GALNT14: variants seen among roughly 807,000 people sequenced by gnomAD.
GALNT14 encodes the protein polypeptide N-acetylgalactosaminyltransferase 14.
In GALNT14, 60 loss-of-function variants were observed where a neutral mutation model predicts 77.5. The observed-to-expected ratio is 0.77, with a 90% CI of 0.63 to 0.96. GALNT14 has a LOEUF of 0.96. Ranked by LOEUF, GALNT14 falls within the 40% of genes least tolerant of loss-of-function variation. The pLI is 0.00. For missense variants in GALNT14, 710 were observed against 731.0 expected, an observed-to-expected ratio of 0.97 and a Z score of 0.33; for synonymous variants, 280 against 281.7, an observed-to-expected ratio of 0.99 and a Z score of 0.06.
intron 1 of GALNT14, chr2:31,129,405 AT>A (rs1331115841): frequency 1.0e-6 from 1 of 985,354 alleles, no homozygotes; most frequent in African/African-American, 1.7e-5. Context: ...TCACCCTTTA[AT>A]TAGTAAAGTC....
the GALNT14 span, among the ~76,000 whole-genome samples, chr2:30,900,455 C>T: frequency 4.6e-5 from 7 of 152,108 alleles, no homozygotes; most frequent in South Asian, 8.3e-4. Context: ...AAAACTTTAA[C>T]GTTTGATAAC....
intron 1 of GALNT14, among the ~76,000 whole-genome samples, chr2:31,122,260 T>C (rs1042823804): frequency 6.6e-6 from 1 of 152,208 alleles, no homozygotes; most frequent in African/African-American, 2.4e-5. Context: ...CAGTCAATGA[T>C]GAAACAGCCG....
At chr2:31,058,262 C>A (rs1021152890) in intron 1 of GALNT14, among the ~76,000 whole-genome samples, 1 of 152,176 alleles carries the variant, frequency 6.6e-6, no homozygotes, top group South Asian at 2.1e-4. Flanking sequence ...GAGCCTCAGC[C>A]CCTGACCCGT....
intron 1 of GALNT14, among the ~76,000 whole-genome samples, chr2:31,020,426 G>C (rs984432914): frequency 1.3e-5 from 2 of 152,154 alleles, no homozygotes; most frequent in African/African-American, 4.8e-5. Context: ...GCAGTCCCTG[G>C]TCCCCCTCAG....
chr2:30,927,749 A>ACTAGGG (rs2148241007), intron 11 of GALNT14, among the ~76,000 whole-genome samples: 1 of 152,282 alleles, frequency 6.6e-6, no homozygotes, highest in East Asian at 1.9e-4. Context: ...GGCTGGGAAG[A>ACTAGGG]GTGGAGGTTT....
intron 2 of GALNT14, among the ~76,000 whole-genome samples, chr2:30,981,866 A>G (rs1296897805): frequency 1.3e-5 from 2 of 152,192 alleles, no homozygotes; most frequent in Non-Finnish European, 2.9e-5. Flanking sequence ...AGCTGAAGGC[A>G]TTGTTGGGCA....
In GALNT14 at chr2:30,932,210, G is replaced by A. The variant is rs930148073; in HGVS notation, c.932-16C>T. Reference sequence around the variant, plus strand: ...AAGGAGATTTCTGCAAGACAGTCACGCCCCTCCTATGACCTCTTATCACTG... The same window carrying A: ...AAGGAGATTTCTGCAAGACAGTCACACCCCTCCTATGACCTCTTATCACTG... On this transcript the variant is annotated splice_polypyrimidine_tract_variant and intron_variant, in intron 9 of 14. Coordinates refer to ENST00000349752, the MANE Select transcript of GALNT14 (RefSeq NM_024572.4). 8.2e-5 allele frequency: 120 copies of A among 1,469,966 alleles called. No homozygotes were observed. The highest frequency in any genetic ancestry group is 1.1e-4 in the Non-Finnish European group (118 of 1,105,980). 91.1% of individuals were successfully genotyped at this position (1,469,966 alleles called of 1,614,324 possible). A position where few individuals can be genotyped will look rare whatever the true frequency, so the allele number is the denominator to read the frequency against.
rs182172900 is a variant in GALNT14, at chr2:31,137,158, T to A, written c.129+800A>T. ...ATTATTATGCCTTTTCTCCTATTGATCTGCCTTTTGTCAACTGATTTTCAG... is the reference window on the plus strand; with the variant it reads ...ATTATTATGCCTTTTCTCCTATTGAACTGCCTTTTGTCAACTGATTTTCAG... On this transcript the variant is annotated intron_variant, in intron 1 of 14. Transcript: ENST00000349752. Among the ~76,000 whole-genome samples the A allele has an allele frequency of 3.1e-3, 466 of 152,350 alleles. 4 individuals are homozygous for A. The highest frequency in any genetic ancestry group is 0.011 in the African/African-American group (441 of 41,582).
intron 9 of GALNT14, among the ~76,000 whole-genome samples, chr2:30,940,473 A>T (rs2148276260): frequency 6.6e-6 from 1 of 152,364 alleles, no homozygotes; most frequent in South Asian, 2.1e-4. Context: ...GAATTCTCTA[A>T]TAGTTCAACA....
chr2:30,974,898 G>T (rs1256826164), intron 2 of GALNT14, among the ~76,000 whole-genome samples: 3 of 152,246 alleles, frequency 2.0e-5, no homozygotes, highest in Non-Finnish European at 4.4e-5. Flanking sequence ...GGAGGGATAA[G>T]TGAAGGTGGG....
intron 10 of GALNT14, among the ~76,000 whole-genome samples, chr2:30,930,552 G>A (rs1202438730): frequency 6.6e-6 from 1 of 152,134 alleles, no homozygotes; most frequent in Non-Finnish European, 1.5e-5. Flanking sequence ...CCCCAGAAAA[G>A]AGAGAAAAGA....
downstream of GALNT14, among the ~76,000 whole-genome samples, chr2:30,907,098 G>C (rs1664163889): frequency 6.6e-6 from 1 of 152,146 alleles, no homozygotes; most frequent in Admixed American, 6.5e-5. Context: ...ATGCCCACAA[G>C]AGAAAGCAGG....
At position 30,929,431 on chromosome 2, in the gene GALNT14, G is replaced by A. The variant is rs1665593214; in HGVS notation, c.1115C>T (p.Ala372Val). The change falls in exon 11 of 15, where the codon GCT becomes GTT. Residue 372 changes from alanine to valine, a missense_variant. Coordinates refer to ENST00000349752, the MANE Select transcript of GALNT14 (RefSeq NM_024572.4). ...WMDEYKQYYYAARPFALERPF... is the reference protein window; with the variant it reads ...WMDEYKQYYYVARPFALERPF... ...CCTCTCCAGGGCGAATGGCCGGGCA[G>A]CGTAATAGTATTGCTTGTATTCATC... 1 of 1,614,222 alleles carries A rather than the reference G, an allele frequency of 6.2e-7. No individual in the cohort carries two copies. The highest frequency in any genetic ancestry group is 8.5e-7 in the Non-Finnish European group (1 of 1,180,016).
intron 1 of GALNT14, among the ~76,000 whole-genome samples, chr2:31,063,738 C>T (rs775893514): frequency 2.4e-4 from 37 of 152,102 alleles, no homozygotes; most frequent in Admixed American, 3.3e-4. Context: ...TTTCCTTGAG[C>T]AGTGGTTTGT....
At chr2:30,942,901 G>C (rs544998895) in intron 8 of GALNT14, among the ~76,000 whole-genome samples, 185 of 152,302 alleles carry the variant, frequency 1.2e-3, no homozygotes, top group African/African-American at 4.3e-3. Flanking sequence ...TGGAGACTAA[G>C]TCTTTCCAGA....
intron 8 of GALNT14, among the ~76,000 whole-genome samples, chr2:30,943,476 T>G (rs1266627873): frequency 6.6e-6 from 1 of 152,176 alleles, no homozygotes; most frequent in Non-Finnish European, 1.5e-5. Flanking sequence ...CATCCTGCTG[T>G]TTTCTGAGAA....
intron 1 of GALNT14, among the ~76,000 whole-genome samples, chr2:31,010,484 G>T (rs1169100755): frequency 6.6e-6 from 1 of 152,288 alleles, no homozygotes; most frequent in East Asian, 1.9e-4. Context: ...GCGGGGTGGT[G>T]AGCACCTGTA....
At chr2:31,114,909 T>C in intron 1 of GALNT14, 1 of 696,708 alleles carries the variant, frequency 1.4e-6, no homozygotes, top group South Asian at 1.6e-5. Flanking sequence ...GTATTATGAC[T>C]TCAGTCATAC....
chr2:30,990,358 G>C (rs1433190407), intron 2 of GALNT14, among the ~76,000 whole-genome samples: 1 of 152,232 alleles, frequency 6.6e-6, no homozygotes, highest in African/African-American at 2.4e-5. Flanking sequence ...GCAAGCTCCA[G>C]GAATTGCATC....
Sources: gnomAD v4.1 joint callset for allele counts (sites outside exome capture counted in the v4.1 genomes callset) on GRCh38, gnomAD v4.1.1 for gene constraint, MANE v1.5 for transcripts, NCBI Gene and HGNC (gene_info 2026-07-23, HGNC 2026-07-21) for gene names.